Variants in TYRP1 observed in about 807,000 individuals in gnomAD.
TYRP1 encodes tyrosinase related protein 1, also known as 5,6-dihydroxyindole-2-carboxylic acid oxidase.
A neutral mutation model predicts 42.8 loss-of-function variants in TYRP1; 49 were observed. That is an observed-to-expected ratio of 1.14 (90% CI 0.91 to 1.45). The LOEUF (loss-of-function observed/expected upper bound fraction) is 1.45, where lower values mean the gene tolerates loss of function less well. Ranked by LOEUF, TYRP1 falls within the 40% of genes most tolerant of loss-of-function variation. TYRP1 has a pLI of 0.00. For missense variants in TYRP1, 848 were observed against 662.0 expected (o/e 1.28, Z -3.08); for synonymous variants, 279 against 235.4 (o/e 1.19, Z -1.69).
intron 4 of TYRP1, chr9:12,700,223 T>C (rs904788017): frequency 1.3e-5 from 2 of 152,068 alleles, no homozygotes; most frequent in Non-Finnish European, 2.9e-5. Context: ...TCTTCTTTAA[T>C]GATCTTGTCC....
At position 12,695,622 on chromosome 9, in the gene TYRP1, A is replaced by T; in HGVS notation, c.493A>T (p.Arg165Ter). Reference sequence around the variant, plus strand: ...CCCTTTATTTGTCATTGCCACCAGGAGATCAGAAGAAATACTGGGGCCAGA... The same window carrying T: ...CCCTTTATTTGTCATTGCCACCAGGTGATCAGAAGAAATACTGGGGCCAGA... ...THPLFVIATRRSEEILGPDGN... is the reference protein window; with the variant it reads ...THPLFVIATR The change falls in exon 3 of 8, where the codon AGA becomes TGA. Residue 165 changes from arginine (R) to a stop codon, truncating the protein, a stop_gained. Coordinates refer to ENST00000388918, the MANE Select transcript of TYRP1 (RefSeq NM_000550.3). LOFTEE classifies it high-confidence loss of function. 1.2e-6 allele frequency: 2 copies of T among 1,614,204 alleles called. No homozygotes were observed.
intron 6 of TYRP1, 122 bp from the exon 7 acceptor site, chr9:12,707,875 T>A (rs1818284143): frequency 2.2e-6 from 2 of 902,664 alleles, no homozygotes; most frequent in Non-Finnish European, 3.3e-6. Flanking sequence ...CTTTATTCAG[T>A]GTAAAATAAG....
chr9:12,693,762 A>C lies in TYRP1; in HGVS notation c.-85-150A>C. 3 of 132,962 alleles carry C rather than the reference A, an allele frequency of 2.3e-5. 1 individual carries two copies. Among genetic ancestry groups the C allele is most frequent in the Non-Finnish European group, 3.1e-5 (1 of 32,362 alleles). 8.2% of individuals were successfully genotyped at this position (132,962 alleles called of 1,614,324 possible). A position where few individuals can be genotyped will look rare whatever the true frequency, so the allele number is the denominator to read the frequency against. On this transcript the variant is annotated intron_variant, in intron 1 of 7. Transcript: ENST00000388918. ...GTTATATATGCCAAATTTTAAAGGT[A>C]AAATTTGTGTGAAATGTCACACTTT...
chr9:12,699,437 T>C (rs1296066938), intron 4 of TYRP1, among the ~76,000 whole-genome samples: 1 of 152,118 alleles, frequency 6.6e-6, no homozygotes, highest in African/African-American at 2.4e-5. Flanking sequence ...ATGGCTCTTT[T>C]GATTGTTCTT....
chr9:12,702,027 T>C (rs1818176884), intron 4 of TYRP1, among the ~76,000 whole-genome samples: 1 of 152,008 alleles, frequency 6.6e-6, no homozygotes, highest in African/African-American at 2.4e-5. Context: ...CCTGTATCTG[T>C]TAGTGTGATT....
At chr9:12,698,782 A>T (rs1235229822) in intron 4 of TYRP1, 127 bp downstream of exon 4, 1 of 917,824 alleles carries the variant, frequency 1.1e-6, no homozygotes, top group Non-Finnish European at 1.7e-6. Context: ...ATAGAGTAAC[A>T]GTGTACCAGG....
intron 6 of TYRP1, among the ~76,000 whole-genome samples, chr9:12,706,218 T>C (rs950104041): frequency 1.3e-5 from 2 of 152,002 alleles, no homozygotes; most frequent in African/African-American, 4.8e-5. Flanking sequence ...TACATGGCAA[T>C]GTTCAAGTTG....
In TYRP1 at chr9:12,702,362, G is replaced by A; in HGVS notation, c.1005G>A (p.Gln335=). ...TTCCTGAACCACAGGATGTCGCTCA[G>A]TGCTTGGAAGTTGGTTTATTTGACA... The part of the protein sequence containing the change: ...QRLPEPQDVA[Q]CLEVGLFDTP... The change falls in exon 5 of 8, where the codon CAG becomes CAA. Residue 335 remains glutamine (Q), a synonymous_variant. Transcript: ENST00000388918. 6.2e-7 allele frequency: 1 copy of A among 1,613,168 alleles called. No individual in the cohort carries two copies. The highest frequency in any genetic ancestry group is 8.5e-7 in the Non-Finnish European group (1 of 1,179,504).
intron 3 of TYRP1, among the ~76,000 whole-genome samples, chr9:12,696,931 C>T (rs1818088070): frequency 6.6e-6 from 1 of 151,766 alleles, no homozygotes; most frequent in Non-Finnish European, 1.5e-5. Context: ...AATGCTGTGC[C>T]AGCATTATTC....
chr9:12,709,773 G>A lies in TYRP1; in HGVS notation c.*591G>A, dbSNP rs886063416. On this transcript the variant is annotated 3_prime_UTR_variant, in exon 8 of 8. Coordinates refer to ENST00000388918, the MANE Select transcript of TYRP1 (RefSeq NM_000550.3). ...TATACTATTTAGTCTCAGGTTCAAGGCTACAACAAAAATCACCATCTTTGT... is the reference window on the plus strand; with the variant it reads ...TATACTATTTAGTCTCAGGTTCAAGACTACAACAAAAATCACCATCTTTGT... The A allele has an allele frequency of 6.6e-6, 1 of 151,892 alleles. No individual in the cohort carries two copies. The highest frequency in any genetic ancestry group is 2.4e-5 in the African/African-American group (1 of 41,154). The allele number at this position is 151,892 out of a possible 1,614,324, so 9.4% of individuals were successfully genotyped here.
At chr9:12,696,021 C>G (rs959385591) in intron 3 of TYRP1, among the ~76,000 whole-genome samples, 184 bp downstream of exon 3, 1 of 152,130 alleles carries the variant, frequency 6.6e-6, no homozygotes, top group Non-Finnish European at 1.5e-5. Context: ...TAATCTTTAT[C>G]TTGGTGAAGT....
Position 12,694,352 on chromosome 9 carries a change from G to T in TYRP1, c.356G>T (p.Gly119Val). 1 of 1,614,020 alleles carries T rather than the reference G, an allele frequency of 6.2e-7. No homozygotes were observed. The highest frequency in any genetic ancestry group is 8.5e-7 in the Non-Finnish European group (1 of 1,179,992). The change falls in exon 2 of 8, where the codon GGA becomes GTA. Residue 119 changes from glycine to valine, a missense_variant. Coordinates refer to ENST00000388918, the MANE Select transcript of TYRP1 (RefSeq NM_000550.3). ...NCGTCRPGWRGAACDQRVLIV... is the reference protein window; with the variant it reads ...NCGTCRPGWRVAACDQRVLIV... ...GGGACGTGCCGTCCTGGCTGGAGAG[G>T]AGCTGCCTGTGACCAGAGGGTTCTC... is the stretch of plus-strand genomic sequence containing the variant.
rs760181936 is a variant in TYRP1, at chr9:12,698,521, TCTGCACGGATGA to T, written c.782_793del (p.Cys261_Asp264del). The T allele has an allele frequency of 6.8e-6, 11 of 1,613,774 alleles. No individual in the cohort carries two copies. The East Asian group carries it at 2.2e-4, about 33-fold the overall frequency. The stretch of plus-strand genomic sequence containing the variant: ...GCAACGGGGAAAAATGTCTGTGATA[TCTGCACGGATGA>T]CTTGATGGGATCCAGAAGCAACTTT... On this transcript the variant is annotated inframe_deletion, in exon 4 of 8. Transcript: ENST00000388918.
chr9:12,696,680 C>T (rs1332138193), intron 3 of TYRP1, among the ~76,000 whole-genome samples: 1 of 151,464 alleles, frequency 6.6e-6, no homozygotes, highest in East Asian at 1.9e-4. Context: ...ATTAAAGTAT[C>T]TAGTTACGTA....
chr9:12,695,535 T>TTAAG lies in TYRP1; in HGVS notation c.410_413dup (p.Glu139Ter), dbSNP rs749735228. 1 of 1,614,144 alleles carries TTAAG rather than the reference T, an allele frequency of 6.2e-7. No homozygotes were observed. The highest frequency in any genetic ancestry group is 8.5e-7 in the Non-Finnish European group (1 of 1,180,014). ...TAAAGTCAGGAGAAATCTTCTGGAC[T>TTAAG]TAAGTAAAGAAGAAAAGAACCACTT... On this transcript the variant is annotated frameshift_variant, in exon 3 of 8. Coordinates refer to ENST00000388918, the MANE Select transcript of TYRP1 (RefSeq NM_000550.3). LOFTEE classifies it high-confidence loss of function.
At chr9:12,701,469 G>C (rs1040420038) in intron 4 of TYRP1, among the ~76,000 whole-genome samples, 2 of 151,872 alleles carry the variant, frequency 1.3e-5, no homozygotes, top group Non-Finnish European at 2.9e-5. Context: ...GGGTGTTATA[G>C]ACAGAAGAAA....
At chr9:12,694,669 C>A (rs1222388297) in intron 2 of TYRP1, among the ~76,000 whole-genome samples, 1 of 152,260 alleles carries the variant, frequency 6.6e-6, no homozygotes, top group South Asian at 2.1e-4. Context: ...TTCAGTAACT[C>A]CTTCAGGTAA....
At chr9:12,703,014 G>C (rs1196581774) in intron 5 of TYRP1, among the ~76,000 whole-genome samples, 1 of 151,934 alleles carries the variant, frequency 6.6e-6, no homozygotes, top group East Asian at 1.9e-4. Flanking sequence ...GGTATAAACA[G>C]GTAAAATTAC....
chr9:12,708,002 T>G lies in TYRP1; in HGVS notation c.1267T>G (p.Ser423Ala). ...TTGTCTTTGGAATAATTTAGATATA[T>G]CCACATTTCCATTGGAAAATGCCCC... is the stretch of plus-strand genomic sequence containing the variant. ...EWLRRYNADI[S>A]TFPLENAPIG... The change falls in exon 7 of 8, where the codon TCC (serine) becomes GCC (alanine). Residue 423 changes from serine to alanine, a missense_variant. By Grantham distance (99) the Ser-to-Ala change is moderately conservative (BLOSUM62 1). Transcript: ENST00000388918. The G allele has an allele frequency of 6.2e-7, 1 of 1,611,104 alleles. No homozygotes were observed.
Sources: gnomAD v4.1 joint callset for allele counts (sites outside exome capture counted in the v4.1 genomes callset) on GRCh38, gnomAD v4.1.1 for gene constraint, MANE v1.5 for transcripts, NCBI Gene and HGNC (gene_info 2026-07-23, HGNC 2026-07-21) for gene names.